Variants in PCSK6 observed in about 807,000 individuals in gnomAD.
The protein encoded by PCSK6 is proprotein convertase subtilisin/kexin type 6, also known as paired basic amino acid cleaving enzyme 4.
A neutral mutation model predicts 123.3 loss-of-function variants in PCSK6; 85 were observed. That is an observed-to-expected ratio of 0.69 (90% CI 0.58 to 0.83). The LOEUF (loss-of-function observed/expected upper bound fraction) is 0.83. PCSK6 is among the 40% of genes least tolerant of loss of function. The probability of loss-of-function intolerance (pLI) is 0.00; values close to 1 mark genes in which losing one functional copy is unlikely to be tolerated. For synonymous variants in PCSK6, 508 were observed against 516.0 expected, an observed-to-expected ratio of 0.98 and a Z score of 0.21; for missense variants, 1,191 against 1,282.3, an observed-to-expected ratio of 0.93 and a Z score of 1.09.
rs192974099 is a variant in PCSK6, at chr15:101,424,083, T to A, written c.823+3809A>T. Among the ~76,000 whole-genome samples, 777 of 151,856 alleles carry A rather than the reference T, an allele frequency of 5.1e-3. 6 individuals are homozygous for A. The highest frequency in any genetic ancestry group is 0.017 in the African/African-American group (724 of 41,390). ...CAAGGAAAAAGGTGTGTGTTTTTTT[T>A]AATTAGCTGGGAAAGGTTGTGTTCA... is the stretch of plus-strand genomic sequence containing the variant. On this transcript the variant is annotated intron_variant, in intron 6 of 21. Coordinates refer to ENST00000611716, the MANE Select transcript of PCSK6 (RefSeq NM_002570.5).
chr15:101,441,811 G>T (rs2056760999), intron 2 of PCSK6, among the ~76,000 whole-genome samples: 1 of 152,198 alleles, frequency 6.6e-6, no homozygotes, highest in Non-Finnish European at 1.5e-5. Flanking sequence ...CAACTCAAAA[G>T]ACTTCAGTTG....
At chr15:101,315,058 C>G (rs2039957431) in intron 19 of PCSK6, among the ~76,000 whole-genome samples, 1 of 152,242 alleles carries the variant, frequency 6.6e-6, no homozygotes, top group African/African-American at 2.4e-5. Flanking sequence ...CCCCACTATC[C>G]TTCCTCCAGC....
chr15:101,433,667 G>T (rs1047338924), intron 2 of PCSK6, among the ~76,000 whole-genome samples: 2 of 152,236 alleles, frequency 1.3e-5, no homozygotes, highest in African/African-American at 4.8e-5. Flanking sequence ...ACCCAGGGTC[G>T]TGCTGGAAGC....
rs371040436 is a variant in PCSK6 at position 101,477,486 on chromosome 15, C to T, written c.297+11888G>A. Among the ~76,000 whole-genome samples the T allele has an allele frequency of 7.9e-5, 12 of 152,304 alleles. No individual in the cohort carries two copies. In the East Asian group the frequency reaches 2.3e-3, roughly 29 times the overall value. ...AGCATCTCAGATACAGGATATTCAACCTGCATATGAGTGTGCACGCACACA... is the reference window on the plus strand; with the variant it reads ...AGCATCTCAGATACAGGATATTCAATCTGCATATGAGTGTGCACGCACACA... On this transcript the variant is annotated intron_variant, in intron 1 of 21. Transcript: ENST00000611716.
At chr15:101,415,198 A>G (rs776778892) in intron 6 of PCSK6, among the ~76,000 whole-genome samples, 3 of 152,236 alleles carry the variant, frequency 2.0e-5, no homozygotes, top group African/African-American at 7.2e-5. Context: ...CAGGTAGACA[A>G]AAAGTAAGAA....
At chr15:101,373,245 G>A (rs2041637243) in intron 11 of PCSK6, among the ~76,000 whole-genome samples, 1 of 152,032 alleles carries the variant, frequency 6.6e-6, no homozygotes, top group Admixed American at 6.5e-5. Flanking sequence ...GGAGCACCCA[G>A]CTCCTGCAGG....
chr15:101,379,832 C>G (rs530887669), intron 11 of PCSK6, among the ~76,000 whole-genome samples: 9 of 152,224 alleles, frequency 5.9e-5, no homozygotes, highest in Admixed American at 5.2e-4. Flanking sequence ...GCAGATGACC[C>G]CGACCTGCAG....
chr15:101,326,057 G>A (rs1039248396), intron 16 of PCSK6, among the ~76,000 whole-genome samples: 7 of 152,218 alleles, frequency 4.6e-5, no homozygotes, highest in Admixed American at 1.3e-4. Flanking sequence ...AATCGCATCC[G>A]TCTCCAGGCC....
intron 1 of PCSK6, among the ~76,000 whole-genome samples, chr15:101,465,741 C>T (rs137904768): frequency 1.5e-4 from 23 of 152,200 alleles, no homozygotes; most frequent in East Asian, 9.6e-4. Context: ...TGATGCCGCA[C>T]GGTATTACTT....
At chr15:101,380,906 T>C (rs779259787) in intron 11 of PCSK6, among the ~76,000 whole-genome samples, 4 of 152,164 alleles carry the variant, frequency 2.6e-5, no homozygotes, top group Non-Finnish European at 4.4e-5. Context: ...CAAGTAGTTA[T>C]GGGAAAAACA....
At chr15:101,459,593 C>T (rs2057293372) in intron 1 of PCSK6, among the ~76,000 whole-genome samples, 3 of 146,902 alleles carry the variant, frequency 2.0e-5, no homozygotes, top group African/African-American at 7.5e-5. Flanking sequence ...ATTGGGCTCC[C>T]CCTCCTCCAT....
chr15:101,430,516 G>A (rs768181615), intron 4 of PCSK6, among the ~76,000 whole-genome samples: 5 of 152,338 alleles, frequency 3.3e-5, no homozygotes, highest in Middle Eastern at 3.4e-3. Flanking sequence ...GTTTATCCAC[G>A]TTTCCACGTG....
chr15:101,450,334 A>G (rs2057002087), intron 1 of PCSK6, among the ~76,000 whole-genome samples: 1 of 151,992 alleles, frequency 6.6e-6, no homozygotes, highest in Admixed American at 6.6e-5. Flanking sequence ...CATCCAGTGT[A>G]AGGGGCCCTG....
At chr15:101,421,254 AG>A (rs1188203810) in intron 6 of PCSK6, among the ~76,000 whole-genome samples, 11 of 152,172 alleles carry the variant, frequency 7.2e-5, no homozygotes, top group African/African-American at 2.4e-4. Context: ...CTATTTCTTA[AG>A]ATATAATTTG....
Position 101,366,333 on chromosome 15 carries a change from C to G in PCSK6, c.1722-1G>C, listed in dbSNP as rs780494279. ...CCCTTCATTGGAAAGATCCAGCAAC[C>G]TGCAATTGGAGGTGTGGTGTCAGAA... On this transcript the variant is annotated splice_acceptor_variant, in intron 12 of 21. Transcript: ENST00000611716. LOFTEE classifies it high-confidence loss of function. The G allele has an allele frequency of 1.2e-6, 2 of 1,610,930 alleles. No homozygotes were observed. Among genetic ancestry groups the G allele is most frequent in the East Asian group, 2.2e-5 (1 of 44,620 alleles).
chr15:101,353,510 G>T (rs777289435), intron 13 of PCSK6, among the ~76,000 whole-genome samples: 1 of 152,194 alleles, frequency 6.6e-6, no homozygotes, highest in Non-Finnish European at 1.5e-5. Context: ...TTCTCAGAAG[G>T]CCTGCTGCTC....
At chr15:101,316,908 C>CTTTTTTTTTTT (rs2040001564) in intron 19 of PCSK6, among the ~76,000 whole-genome samples, 15 of 91,682 alleles carry the variant, frequency 1.6e-4, no homozygotes, top group African/African-American at 1.1e-3. Context: ...AGACTTAATT[C>CTTTTTTTTTTT]TGTTTTTTTT....
At chr15:101,403,347 A>G (rs917966194) in intron 6 of PCSK6, among the ~76,000 whole-genome samples, 3 of 151,284 alleles carry the variant, frequency 2.0e-5, no homozygotes, top group Non-Finnish European at 4.4e-5. Flanking sequence ...GGTGCAGCAC[A>G]CCAGCATGGC....
intron 8 of PCSK6, among the ~76,000 whole-genome samples, chr15:101,392,873 G>T (rs12903394): frequency 5.9e-5 from 9 of 151,974 alleles, no homozygotes; most frequent in East Asian, 1.9e-4. Context: ...TGGGTTCATT[G>T]GATTCCAAGA....
Sources: allele counts gnomAD v4.1 joint callset (sites outside exome capture counted in the v4.1 genomes callset), GRCh38; gene constraint gnomAD v4.1.1; transcripts MANE v1.5; gene names NCBI Gene and HGNC (gene_info 2026-07-23, HGNC 2026-07-21).